The following NSFL1C variants were observed in gnomAD, a reference collection of about 807,000 sequenced individuals.
The protein encoded by NSFL1C is NSFL1 cofactor p47.
In NSFL1C, 14 loss-of-function variants were observed where a neutral mutation model predicts 43.1. That is an observed-to-expected ratio of 0.32 (90% confidence interval 0.21 to 0.51). The LOEUF is 0.51. NSFL1C is among the 20% of genes least tolerant of loss of function. NSFL1C has a pLI of 0.98. For missense variants in NSFL1C, 406 were observed against 472.5 expected (o/e 0.86, Z 1.30); for synonymous variants, 171 against 183.5 (o/e 0.93, Z 0.55).
chr20:1,450,538 T>C (rs761359773), intron 7 of NSFL1C, among the ~76,000 whole-genome samples: 2 of 152,234 alleles, frequency 1.3e-5, no homozygotes, highest in Admixed American at 6.5e-5. Context: ...ATGCAGAGTT[T>C]CACACACATA....
At chr20:1,445,494 C>A (rs778318008) in intron 8 of NSFL1C, among the ~76,000 whole-genome samples, 172 bp downstream of exon 8, 2 of 152,078 alleles carry the variant, frequency 1.3e-5, no homozygotes, top group African/African-American at 4.8e-5. Context: ...AGAGTGGGGA[C>A]CAGAACTTAA....
At chr20:1,454,428 G>T in intron 4 of NSFL1C, 123 bp from the exon 5 acceptor site, 1 of 678,298 alleles carries the variant, frequency 1.5e-6, no homozygotes, top group Non-Finnish European at 2.5e-6. Context: ...GATCAAGCTT[G>T]TTAGCTACTA....
At chr20:1,455,166 TC>T in intron 3 of NSFL1C, 34 bp from the exon 4 acceptor site, 1 of 1,613,146 alleles carries the variant, frequency 6.2e-7, no homozygotes, top group Non-Finnish European at 8.5e-7. Context: ...CATGAAACAC[TC>T]ATGGAAAACA....
At chr20:1,466,620 G>A (rs2090519186) in intron 1 of NSFL1C, 100 bp downstream of exon 1, 2 of 1,145,408 alleles carry the variant, frequency 1.7e-6, no homozygotes, top group African/African-American at 1.6e-5. Flanking sequence ...GCGGTAGAGC[G>A]GGGATGACTG....
rs1272239086 is a variant in NSFL1C, at chr20:1,445,655, A to G, written c.950+11T>C. On this transcript the variant is annotated intron_variant, in intron 8 of 8. Coordinates refer to ENST00000216879, the MANE Select transcript of NSFL1C (RefSeq NM_016143.5). ...CTCCTAGAATAAGCTAGGCCACACA[A>G]TGCAAGGTACCTGTGGCTGTGGTTA... is the stretch of plus-strand genomic sequence containing the variant. 3 of 1,611,970 alleles carry G rather than the reference A, an allele frequency of 1.9e-6. No individual in the cohort carries two copies. The highest frequency in any genetic ancestry group is 2.2e-4 in the Middle Eastern group (1 of 4,618).
chr20:1,449,897 T>G lies in NSFL1C; in HGVS notation c.785+2596A>C, dbSNP rs1489108394. ...AGCAGCAGTGACCCCTCCTCCCAAG[T>G]GCACTCTTGCTGTTTGCAATTCGAA... is the stretch of plus-strand genomic sequence containing the variant. On this transcript the variant is annotated intron_variant, in intron 7 of 8. Transcript: ENST00000216879. Among the ~76,000 whole-genome samples, 3 of 152,118 alleles carry G rather than the reference T, an allele frequency of 2.0e-5. No homozygotes were observed. In the South Asian group the frequency reaches 6.2e-4, roughly 32 times the overall value.
intron 2 of NSFL1C, among the ~76,000 whole-genome samples, chr20:1,460,710 A>G (rs913303503): frequency 3.3e-5 from 5 of 152,224 alleles, no homozygotes; most frequent in African/African-American, 1.2e-4. Flanking sequence ...CACTAGCCAC[A>G]TTTGGCTATT....
intron 1 of NSFL1C, among the ~76,000 whole-genome samples, chr20:1,465,451 G>A (rs2090490248): frequency 6.6e-6 from 1 of 152,248 alleles, no homozygotes; most frequent in South Asian, 2.1e-4. Context: ...CAGAAGATCT[G>A]TTGGTCACAA....
intron 1 of NSFL1C, among the ~76,000 whole-genome samples, chr20:1,464,838 T>C (rs1245643470): frequency 6.6e-6 from 1 of 152,164 alleles, no homozygotes; most frequent in African/African-American, 2.4e-5. Flanking sequence ...ACAGAAGCAC[T>C]GAGGATTAAA....
chr20:1,449,681 C>T (rs905495056), intron 7 of NSFL1C, among the ~76,000 whole-genome samples: 4 of 152,158 alleles, frequency 2.6e-5, no homozygotes, highest in Admixed American at 1.3e-4. Flanking sequence ...TGTCTCCCTG[C>T]AAACATCGTA....
chr20:1,444,380 TCTC>T (rs1189295093), intron 8 of NSFL1C, among the ~76,000 whole-genome samples: 1 of 152,234 alleles, frequency 6.6e-6, no homozygotes, highest in African/African-American at 2.4e-5. Context: ...CTGATTAGTG[TCTC>T]CTCCTGCAGC....
At chr20:1,448,110 C>T (rs2090105128) in intron 7 of NSFL1C, among the ~76,000 whole-genome samples, 1 of 152,188 alleles carries the variant, frequency 6.6e-6, no homozygotes, top group African/African-American at 2.4e-5. Flanking sequence ...GAGCTGATGA[C>T]CCTCAGCAAG....
chr20:1,445,755 G>T lies in NSFL1C; in HGVS notation c.861C>A (p.Ile287=), dbSNP rs1403316963. 1 of 1,613,952 alleles carries T rather than the reference G, an allele frequency of 6.2e-7. No homozygotes were observed. Among genetic ancestry groups the T allele is most frequent in the Non-Finnish European group, 8.5e-7 (1 of 1,179,980 alleles). ...TGGTAGGCTCTGATTCGTCGATTAA[G>T]ATGGAAGAGCTGGCTTTGGCTTCAT... is the stretch of plus-strand genomic sequence containing the variant. ...AENEAKASSS[I]LIDESEPTTN... Residue 287 remains isoleucine (I), a synonymous_variant, in exon 8 of 9, where the codon ATC becomes ATA. Transcript: ENST00000216879.
In NSFL1C at chr20:1,447,289, A is replaced by G. The variant is rs760500706; in HGVS notation, c.786-1459T>C. Among the ~76,000 whole-genome samples, 9 of 152,262 alleles carry G rather than the reference A, an allele frequency of 5.9e-5. No homozygotes were observed. In the South Asian group the frequency reaches 8.3e-4, roughly 14 times the overall value. ...GTTGATTGGAAATAGTGAATAGGTA[A>G]ATCTCATATACCTGTAAATGCCTAA... On this transcript the variant is annotated intron_variant, in intron 7 of 8. Transcript: ENST00000216879.
chr20:1,455,596 G>C (rs2090281226), intron 3 of NSFL1C: 1 of 769,218 alleles, frequency 1.3e-6, no homozygotes, highest in Non-Finnish European at 2.4e-6. Context: ...GTTAGTACAA[G>C]CAGCTAGGCT....
intron 3 of NSFL1C, 51 bp downstream of exon 3, chr20:1,458,149 A>T (rs1378458183): frequency 7.1e-7 from 1 of 1,402,472 alleles, no homozygotes; most frequent in Admixed American, 1.7e-5. Context: ...TTTACACATT[A>T]CCCTGGACTT....
intron 3 of NSFL1C, chr20:1,456,280 G>A (rs2090298245): frequency 6.5e-6 from 1 of 153,282 alleles, no homozygotes; most frequent in African/African-American, 2.4e-5. Flanking sequence ...TGACTGGGTG[G>A]GAGGAGAACG....
Position 1,443,929 on chromosome 20 carries a change from G to A in NSFL1C, c.951-18C>T, listed in dbSNP as rs998045518. 5 of 1,603,710 alleles carry A rather than the reference G, an allele frequency of 3.1e-6. No individual in the cohort carries two copies. The East Asian group carries it at 8.9e-5, about 29-fold the overall frequency. Reference sequence around the variant, plus strand: ...CGCTGATCCTGCAGGAGTTGGGGAAGCGGTGAGCAGTGCCATCCTCTGCTG... The same window carrying A: ...CGCTGATCCTGCAGGAGTTGGGGAAACGGTGAGCAGTGCCATCCTCTGCTG... On this transcript the variant is annotated intron_variant, in intron 8 of 8. Coordinates refer to ENST00000216879, the MANE Select transcript of NSFL1C (RefSeq NM_016143.5).
Position 1,466,760 on chromosome 20 carries a change from C to T in NSFL1C, c.65G>A (p.Arg22Gln), listed in dbSNP as rs866574820. 4.5e-6 allele frequency: 7 copies of T among 1,562,886 alleles called. No individual in the cohort carries two copies. The highest frequency in any genetic ancestry group is 3.5e-6 in the Non-Finnish European group (4 of 1,156,780). ...GGCCGACTCGAGAAAGAAGCGGGCCCGGTCCTCCTCGGCGCCCGTCACCGC... is the reference window on the plus strand; with the variant it reads ...GGCCGACTCGAGAAAGAAGCGGGCCTGGTCCTCCTCGGCGCCCGTCACCGC... ...FVAVTGAEED[R>Q]ARFFLESAGW... Residue 22 changes from arginine (R) to glutamine (Q), a missense_variant, in exon 1 of 9, where the codon CGG (arginine) becomes CAG (glutamine). Transcript: ENST00000216879.
Sources: gnomAD v4.1 joint callset for allele counts (sites outside exome capture counted in the v4.1 genomes callset) on GRCh38, gnomAD v4.1.1 for gene constraint, MANE v1.5 for transcripts, NCBI Gene and HGNC (gene_info 2026-07-23, HGNC 2026-07-21) for gene names.